Variants in PTPA observed in about 807,000 individuals in gnomAD.
The protein encoded by PTPA is serine/threonine-protein phosphatase 2A activator.
PTPA carries 13 observed loss-of-function variants against 43.6 expected under a neutral mutation model. That is an observed-to-expected ratio of 0.30 (90% CI 0.19 to 0.47). PTPA has a LOEUF of 0.47. Ranked by LOEUF, PTPA falls within the 20% of genes least tolerant of loss-of-function variation. The pLI is 0.99. For missense variants in PTPA, 329 were observed against 411.9 expected, an observed-to-expected ratio of 0.80 and a Z score of 1.74; for synonymous variants, 172 against 158.2, an observed-to-expected ratio of 1.09 and a Z score of -0.66.
At chr9:129,115,357 T>C (rs1451980305) in intron 1 of PTPA, among the ~76,000 whole-genome samples, 3 of 152,188 alleles carry the variant, frequency 2.0e-5, no homozygotes, top group Admixed American at 6.6e-5. Context: ...TTCTGGGGCC[T>C]TGGTTTGAGT....
At chr9:129,142,707 C>T (rs781190884) in intron 9 of PTPA, 155 bp downstream of exon 9, 17 of 1,541,316 alleles carry the variant, frequency 1.1e-5, no homozygotes, top group South Asian at 5.9e-5. Context: ...CTTGGGGCCT[C>T]GGAATCTCCC....
Position 129,120,420 on chromosome 9 carries a change from G to A in PTPA, c.32-93G>A, listed in dbSNP as rs1357954670. 40 of 893,168 alleles carry A rather than the reference G, an allele frequency of 4.5e-5. No homozygotes were observed. The Admixed American group carries it at 5.2e-4, about 12-fold the overall frequency. 55.3% of individuals were successfully genotyped at this position (893,168 alleles called of 1,614,324 possible). A position where few individuals can be genotyped will look rare whatever the true frequency, so the allele number is the denominator to read the frequency against. On this transcript the variant is annotated intron_variant, in intron 1 of 9. Transcript: ENST00000393370. ...GCCTGGGCAACAAGAGCAAAACTCC[G>A]TCTCAAGAAAAAAAAAAAAGGTGAA...
At chr9:129,123,233 G>A in intron 3 of PTPA, 95 bp downstream of exon 3, 1 of 1,073,290 alleles carries the variant, frequency 9.3e-7, no homozygotes, top group South Asian at 1.3e-5. Flanking sequence ...CAGCACCTTG[G>A]GAGGCCGAGG....
At chr9:129,114,924 C>G (rs1012231781) in intron 1 of PTPA, among the ~76,000 whole-genome samples, 1 of 152,182 alleles carries the variant, frequency 6.6e-6, no homozygotes, top group Non-Finnish European at 1.5e-5. Flanking sequence ...GTAGCCTTTT[C>G]CCAAACATGG....
At chr9:129,116,113 T>G (rs1330196780) in intron 1 of PTPA, among the ~76,000 whole-genome samples, 1 of 151,346 alleles carries the variant, frequency 6.6e-6, no homozygotes, top group East Asian at 2.0e-4. Context: ...CTCTGCCTCC[T>G]GGGTTCAAGC....
intron 3 of PTPA, among the ~76,000 whole-genome samples, chr9:129,126,083 AG>A (rs1270119701): frequency 6.7e-6 from 1 of 149,732 alleles, no homozygotes; most frequent in Non-Finnish European, 1.5e-5. Flanking sequence ...CGGGAGGCGG[AG>A]GTTGCAGTGA....
At chr9:129,111,009 C>T, upstream of PTPA, 1 of 1,370,836 alleles carries the variant, frequency 7.3e-7, no homozygotes, top group Non-Finnish European at 9.8e-7. Flanking sequence ...CCCCTGTCCC[C>T]ACATGTCTTC....
chr9:129,128,396 C>T (rs1288625461), intron 3 of PTPA, among the ~76,000 whole-genome samples: 5 of 151,838 alleles, frequency 3.3e-5, no homozygotes, highest in Non-Finnish European at 1.5e-5. Flanking sequence ...ATTAGCTGGG[C>T]GTGGTGGTGT....
rs754311515 is a variant in PTPA, at chr9:129,147,401, C to T, written c.909C>T (p.Phe303=). The T allele has an allele frequency of 2.5e-6, 4 of 1,613,886 alleles. No individual in the cohort carries two copies. The highest frequency in any genetic ancestry group is 1.7e-5 in the Admixed American group (1 of 59,990). Residue 303 remains phenylalanine, a synonymous_variant, in exon 10 of 10, where the codon TTC becomes TTT. Transcript: ENST00000393370. ...CTTCCTCACAGTGCCTGGAGAAGTT[C>T]CCTGTGATCCAGCACTTCAAGTTCG... ...RMYKAECLEK[F]PVIQHFKFGS...
chr9:129,113,279 A>C (rs1451539589), intron 1 of PTPA, among the ~76,000 whole-genome samples: 2 of 151,690 alleles, frequency 1.3e-5, no homozygotes, highest in African/African-American at 4.8e-5. Flanking sequence ...TTTAATAGGG[A>C]CAGGGTTTCA....
chr9:129,141,466 T>C (rs1258955180), intron 8 of PTPA, among the ~76,000 whole-genome samples: 4 of 152,154 alleles, frequency 2.6e-5, no homozygotes, highest in African/African-American at 9.7e-5. Context: ...CCTGTTCCCC[T>C]GTAAATGCTG....
At chr9:129,115,269 A>C (rs1389886034) in intron 1 of PTPA, among the ~76,000 whole-genome samples, 1 of 152,234 alleles carries the variant, frequency 6.6e-6, no homozygotes. Flanking sequence ...TGAAGTGCCA[A>C]TTTACTAATA....
At position 129,143,459 on chromosome 9, in the gene PTPA, A is replaced by G. The variant is rs369004022; in HGVS notation, c.894+907A>G. ...CTCCTGGCCGGCCTTCTCTTCTGGG[A>G]AGGGGCTGCTCCAGGTCTTCATTGG... On this transcript the variant is annotated intron_variant, in intron 9 of 9. Coordinates refer to ENST00000393370, the MANE Select transcript of PTPA (RefSeq NM_178000.3). 1,020 of 702,748 alleles carry G rather than the reference A, an allele frequency of 1.5e-3. 12 individuals are homozygous for G. Among genetic ancestry groups the G allele is most frequent in the Middle Eastern group, 6.8e-3 (29 of 4,288 alleles). The allele number at this position is 702,748 out of a possible 1,614,324, so 43.5% of individuals were successfully genotyped here.
rs150464174 is a variant in PTPA at position 129,143,236 on chromosome 9, C to T, written c.894+684C>T. ...GTGGGGAGGAGACATTTTATTTCTA[C>T]TCTGTCCCTTCTGCTAGCTCCTCCC... On this transcript the variant is annotated intron_variant, in intron 9 of 9. Transcript: ENST00000393370. 804 of 687,986 alleles carry T rather than the reference C, an allele frequency of 1.2e-3. 1 individual carries two copies. The highest frequency in any genetic ancestry group is 1.7e-3 in the Non-Finnish European group (625 of 377,216). The allele number at this position is 687,986 out of a possible 1,614,324, so 42.6% of individuals were successfully genotyped here.
At chr9:129,119,984 C>A (rs575225263) in intron 1 of PTPA, among the ~76,000 whole-genome samples, 2 of 152,162 alleles carry the variant, frequency 1.3e-5, no homozygotes, top group African/African-American at 4.8e-5. Context: ...AGAGGCCGGG[C>A]GCTTTGGCTC....
intron 1 of PTPA, among the ~76,000 whole-genome samples, chr9:129,117,898 ATG>A (rs1246991195): frequency 6.7e-6 from 1 of 148,350 alleles, no homozygotes. Context: ...GGGTTTCAAT[ATG>A]TTTCCCAGGC....
intron 1 of PTPA, among the ~76,000 whole-genome samples, chr9:129,118,110 A>G (rs1305637252): frequency 2.0e-5 from 3 of 148,998 alleles, no homozygotes; most frequent in African/African-American, 5.0e-5. Flanking sequence ...CTGGAGCGCA[A>G]TGGCACGATC....
intron 9 of PTPA, among the ~76,000 whole-genome samples, chr9:129,146,059 T>C (rs912313172): frequency 7.2e-6 from 1 of 138,246 alleles, no homozygotes; most frequent in Non-Finnish European, 1.5e-5. Flanking sequence ...CTATGGGAGC[T>C]AGAGGGAGGT....
intron 9 of PTPA, 168 bp downstream of exon 9, chr9:129,142,720 C>A (rs1362322498): frequency 6.5e-7 from 1 of 1,539,406 alleles, no homozygotes; most frequent in Admixed American, 2.0e-5. Flanking sequence ...AATCTCCCAT[C>A]TGGGGCATGG....
Sources: gnomAD v4.1 joint callset for allele counts (sites outside exome capture counted in the v4.1 genomes callset) on GRCh38, gnomAD v4.1.1 for gene constraint, MANE v1.5 for transcripts, NCBI Gene and HGNC (gene_info 2026-07-23, HGNC 2026-07-21) for gene names.